The following RBFOX1 variants were observed in gnomAD, a reference collection of about 807,000 sequenced individuals.
RBFOX1 encodes RNA binding fox-1 homolog 1.
In RBFOX1, 8 loss-of-function variants were observed where a neutral mutation model predicts 57.7. The ratio of observed to expected loss-of-function variants is 0.14; its 90% CI spans 0.08 to 0.25. RBFOX1 has a LOEUF of 0.25. Among genes scored for constraint, RBFOX1 ranks in the 10% least tolerant of loss-of-function variants. RBFOX1 has a pLI of 1.00. For missense variants in RBFOX1, 611 were observed against 548.5 expected (o/e 1.11, Z -1.14); for synonymous variants, 326 against 222.4 (o/e 1.47, Z -4.15).
intron 1 of RBFOX1, among the ~76,000 whole-genome samples, chr16:6,212,062 T>C (rs1367964152): frequency 6.6e-6 from 1 of 152,120 alleles, no homozygotes; most frequent in Non-Finnish European, 1.5e-5. Flanking sequence ...TTTGCCATGT[T>C]GGCCAGGCTA....
At chr16:7,286,531 C>G (rs1025437935) in intron 4 of RBFOX1, among the ~76,000 whole-genome samples, 7 of 149,914 alleles carry the variant, frequency 4.7e-5, no homozygotes, top group African/African-American at 1.5e-4. Flanking sequence ...CTCACTGCAG[C>G]CTCCCCTGCC....
Position 7,063,446 on chromosome 16 carries a change from C to G in RBFOX1, c.27+11348C>G, listed in dbSNP as rs533507486. 3.9e-5 allele frequency among the ~76,000 whole-genome samples: 6 copies of G among 152,262 alleles called. No individual in the cohort carries two copies. The South Asian group carries it at 1.0e-3, about 26-fold the overall frequency. On this transcript the variant is annotated intron_variant, in intron 4 of 15. Coordinates refer to ENST00000550418, the MANE Select transcript of RBFOX1 (RefSeq NM_018723.4). ...TCCTTCTCAGAGTACCCTTCAAAGG[C>G]CACTGAGAATGTTTATAACAAGTGC...
At chr16:5,820,255 T>C (rs547939925) in intron 3 of RBFOX1, among the ~76,000 whole-genome samples, 5 of 152,306 alleles carry the variant, frequency 3.3e-5, no homozygotes, top group Admixed American at 6.5e-5. Flanking sequence ...TTAACCGCCA[T>C]GCTACATTGT....
chr16:7,144,411 T>TTTCTTCTTC (rs202150743), intron 4 of RBFOX1, among the ~76,000 whole-genome samples: 1 of 112,654 alleles, frequency 8.9e-6, no homozygotes, highest in African/African-American at 3.5e-5. Context: ...TTTCTTTTTC[T>TTTCTTCTTC]TTCTTCTTTT....
intron 3 of RBFOX1, among the ~76,000 whole-genome samples, chr16:6,943,012 A>G (rs1377442328): frequency 1.3e-5 from 2 of 152,150 alleles, no homozygotes; most frequent in African/African-American, 4.8e-5. Context: ...GGCTCTTCCT[A>G]CCCAGACCCA....
At chr16:6,731,315 C>G (rs1310332058) in intron 3 of RBFOX1, among the ~76,000 whole-genome samples, 1 of 152,138 alleles carries the variant, frequency 6.6e-6, no homozygotes, top group Non-Finnish European at 1.5e-5. Flanking sequence ...GCCAGAAGCA[C>G]AGGCAGATAC....
chr16:7,637,978 G>T (rs1482148859), intron 11 of RBFOX1, among the ~76,000 whole-genome samples: 1 of 152,098 alleles, frequency 6.6e-6, no homozygotes, highest in East Asian at 1.9e-4. Context: ...GATCCCATAT[G>T]GCTTAATCCA....
chr16:7,695,153 T>C (rs147889618), intron 14 of RBFOX1, among the ~76,000 whole-genome samples: 46 of 152,290 alleles, frequency 3.0e-4, no homozygotes, highest in African/African-American at 9.6e-4. Context: ...TTGAGAGAGA[T>C]ATCCCTAGTC....
intron 1 of RBFOX1, among the ~76,000 whole-genome samples, chr16:6,283,549 C>T (rs933179160): frequency 6.6e-6 from 1 of 152,080 alleles, no homozygotes; most frequent in East Asian, 1.9e-4. Flanking sequence ...TACCCAGCCT[C>T]AAAAACAAGC....
chr16:6,999,206 A>ATTTTTTATTT (rs1220412235), intron 3 of RBFOX1, among the ~76,000 whole-genome samples: 4 of 72,124 alleles, frequency 5.5e-5, no homozygotes, highest in Non-Finnish European at 8.1e-5. Flanking sequence ...TTTATTTTTT[A>ATTTTTTATTT]TTTTTATTTA....
At chr16:5,511,005 T>TA (rs1472397372) in intron 2 of RBFOX1, among the ~76,000 whole-genome samples, 4 of 152,224 alleles carry the variant, frequency 2.6e-5, no homozygotes, top group African/African-American at 9.7e-5. Flanking sequence ...CTGTTTTACT[T>TA]ACGTCATTGC....
chr16:5,834,587 TAGATAG>T (rs943345096), intron 3 of RBFOX1, among the ~76,000 whole-genome samples: 2 of 147,752 alleles, frequency 1.4e-5, no homozygotes, highest in African/African-American at 5.2e-5. Flanking sequence ...CATAGATAGA[TAGATAG>T]ATAGATAGAT....
At chr16:7,027,475 C>G (rs1428996837) in intron 3 of RBFOX1, among the ~76,000 whole-genome samples, 1 of 151,922 alleles carries the variant, frequency 6.6e-6, no homozygotes, top group Non-Finnish European at 1.5e-5. Context: ...GGTAACTTGC[C>G]CAAGGTCAGG....
chr16:7,012,173 A>G (rs902175759), intron 3 of RBFOX1, among the ~76,000 whole-genome samples: 1 of 152,172 alleles, frequency 6.6e-6, no homozygotes, highest in Non-Finnish European at 1.5e-5. Flanking sequence ...TCATTTATTG[A>G]CCATCACTGA....
intron 3 of RBFOX1, among the ~76,000 whole-genome samples, chr16:6,919,754 C>G (rs1481138626): frequency 6.8e-6 from 1 of 146,882 alleles, no homozygotes; most frequent in Non-Finnish European, 1.5e-5. Flanking sequence ...GCTGAGTGAC[C>G]TGGCTAAGAT....
At chr16:5,671,876 C>G (rs931620454) in intron 3 of RBFOX1, among the ~76,000 whole-genome samples, 1 of 152,136 alleles carries the variant, frequency 6.6e-6, no homozygotes, top group Non-Finnish European at 1.5e-5. Flanking sequence ...AGGATGCCAC[C>G]TATCAGCCTT....
At chr16:6,443,500 T>C (rs188507531) in intron 2 of RBFOX1, among the ~76,000 whole-genome samples, 11 of 152,298 alleles carry the variant, frequency 7.2e-5, no homozygotes, top group African/African-American at 2.4e-4. Flanking sequence ...CACAAGGACC[T>C]TCCTGAAAAT....
intron 3 of RBFOX1, among the ~76,000 whole-genome samples, chr16:5,845,061 CT>C (rs34775077): frequency 0.3 from 42,235 of 140,086 alleles, 6,231 homozygotes; most frequent in African/African-American, 0.38. Flanking sequence ...ACCCGAGATT[CT>C]TTTTTTTTTT....
chr16:7,223,712 G>GAAAAAAAA (rs71147673), intron 4 of RBFOX1, among the ~76,000 whole-genome samples: 20 of 130,422 alleles, frequency 1.5e-4, no homozygotes, highest in Non-Finnish European at 2.0e-4. Flanking sequence ...CAGTGTTTCA[G>GAAAAAAAA]AAAAAAAAAA....
Sources: gnomAD v4.1 joint callset for allele counts (sites outside exome capture counted in the v4.1 genomes callset) on GRCh38, gnomAD v4.1.1 for gene constraint, MANE v1.5 for transcripts, NCBI Gene and HGNC (gene_info 2026-07-23, HGNC 2026-07-21) for gene names.